SRBD1: variants seen among roughly 807,000 people sequenced by gnomAD.
SRBD1 encodes S1 RNA-binding domain-containing protein 1.
A neutral mutation model predicts 115.3 loss-of-function variants in SRBD1; 88 were observed. That is an observed-to-expected ratio of 0.76 (90% CI 0.64 to 0.91). The LOEUF is 0.91. Ranked by LOEUF, SRBD1 falls within the 40% of genes least tolerant of loss-of-function variation. The probability of loss-of-function intolerance (pLI) is 0.00; values close to 1 mark genes in which losing one functional copy is unlikely to be tolerated. For missense variants in SRBD1, 1,385 were observed against 1,177.4 expected (o/e 1.18, Z -2.58); for synonymous variants, 509 against 407.7 (o/e 1.25, Z -2.99).
At chr2:45,506,581 CA>C (rs1047538685) in intron 14 of SRBD1, among the ~76,000 whole-genome samples, 1 of 152,108 alleles carries the variant, frequency 6.6e-6, no homozygotes, top group Non-Finnish European at 1.5e-5. Flanking sequence ...TAAATCAGCC[CA>C]GGGGAGCCTA....
chr2:45,576,286 C>T (rs1489984950), intron 7 of SRBD1, among the ~76,000 whole-genome samples: 2 of 152,100 alleles, frequency 1.3e-5, no homozygotes, highest in Non-Finnish European at 2.9e-5. Flanking sequence ...TGTAAGAATA[C>T]AGTATATAAC....
At chr2:45,548,107 G>A (rs890657956) in intron 12 of SRBD1, among the ~76,000 whole-genome samples, 4 of 150,924 alleles carry the variant, frequency 2.7e-5, no homozygotes, top group African/African-American at 9.7e-5. Flanking sequence ...AAATTATTTT[G>A]ATTAAAAGTA....
intron 3 of SRBD1, 90 bp downstream of exon 3, chr2:45,601,813 C>T (rs1674100494): frequency 2.0e-6 from 3 of 1,500,216 alleles, no homozygotes; most frequent in Non-Finnish European, 2.7e-6. Flanking sequence ...TTGTCATTTA[C>T]ATGCCTTGTC....
intron 19 of SRBD1, among the ~76,000 whole-genome samples, chr2:45,397,947 A>G (rs1014364178): frequency 3.9e-5 from 6 of 152,218 alleles, no homozygotes; most frequent in Non-Finnish European, 2.9e-5. Flanking sequence ...GAAATAGGCC[A>G]GAATCCTTAA....
At chr2:45,469,202 T>G (rs1445231433) in intron 16 of SRBD1, among the ~76,000 whole-genome samples, 1 of 152,186 alleles carries the variant, frequency 6.6e-6, no homozygotes, top group Non-Finnish European at 1.5e-5. Flanking sequence ...TAGATTCTAA[T>G]GCAGTAGAAT....
intron 14 of SRBD1, among the ~76,000 whole-genome samples, chr2:45,539,921 G>C (rs781112481): frequency 7.9e-5 from 12 of 152,098 alleles, no homozygotes; most frequent in Non-Finnish European, 1.6e-4. Context: ...TACACAGATT[G>C]TAAAATGCAA....
chr2:45,559,976 G>A (rs904872259), intron 10 of SRBD1, among the ~76,000 whole-genome samples: 1 of 152,090 alleles, frequency 6.6e-6, no homozygotes, highest in Non-Finnish European at 1.5e-5. Flanking sequence ...AGCTACTCAG[G>A]AGGCTCAGGT....
chr2:45,489,262 G>T (rs1181817469), intron 14 of SRBD1, among the ~76,000 whole-genome samples: 2 of 152,094 alleles, frequency 1.3e-5, no homozygotes, highest in Non-Finnish European at 2.9e-5. Context: ...ACATGTTAGG[G>T]CTCACTTTTT....
rs759764385 is a variant in SRBD1, at chr2:45,599,590, C to T, written c.507G>A (p.Glu169=). ...GACCAAATGTAAAGTCATCGTCATT[C>T]TCTTCCTTCTTGCATGTACCTCCCC... The part of the protein sequence containing the change: ...TVWGGTCKKE[E]NDDDFTFGQS... The change falls in exon 4 of 21, where the codon GAG becomes GAA. Residue 169 remains glutamate (E), a synonymous_variant. Coordinates refer to ENST00000263736, the MANE Select transcript of SRBD1 (RefSeq NM_018079.5). 6.2e-7 allele frequency: 1 copy of T among 1,614,196 alleles called. No homozygotes were observed. The highest frequency in any genetic ancestry group is 1.3e-5 in the African/African-American group (1 of 75,034).
chr2:45,449,986 T>C (rs3770262), intron 16 of SRBD1, among the ~76,000 whole-genome samples: 16,487 of 152,158 alleles, frequency 0.11, 937 homozygotes, highest in South Asian at 0.16. Context: ...AGGTATCACA[T>C]ACAGCTGTTC....
chr2:45,567,999 A>C (rs1179269526), intron 9 of SRBD1: 2 of 152,254 alleles, frequency 1.3e-5, no homozygotes, highest in African/African-American at 4.8e-5. Flanking sequence ...GAAATAATAA[A>C]GCTTGGGACA....
At chr2:45,513,666 G>A (rs551703189) in intron 14 of SRBD1, among the ~76,000 whole-genome samples, 1 of 152,044 alleles carries the variant, frequency 6.6e-6, no homozygotes, top group Non-Finnish European at 1.5e-5. Flanking sequence ...AGTTAGAGCA[G>A]ATCTTTGAGG....
At chr2:45,540,996 G>A (rs918222265) in intron 14 of SRBD1, among the ~76,000 whole-genome samples, 1 of 152,164 alleles carries the variant, frequency 6.6e-6, no homozygotes, top group Non-Finnish European at 1.5e-5. Context: ...TTTTGCTCAG[G>A]CCCCCTGGGC....
chr2:45,481,718 C>G (rs1030135151), intron 15 of SRBD1, among the ~76,000 whole-genome samples: 1 of 151,518 alleles, frequency 6.6e-6, no homozygotes, highest in Admixed American at 6.6e-5. Flanking sequence ...AAAAAAAAAT[C>G]TATCAACTGA....
intron 16 of SRBD1, among the ~76,000 whole-genome samples, chr2:45,443,475 G>A (rs530444225): frequency 3.4e-4 from 51 of 152,116 alleles, no homozygotes; most frequent in African/African-American, 1.2e-3. Flanking sequence ...ATTAGTGGAG[G>A]GACGTCAACA....
At chr2:45,405,258 T>A (rs551173612) in intron 19 of SRBD1, among the ~76,000 whole-genome samples, 1 of 152,320 alleles carries the variant, frequency 6.6e-6, no homozygotes, top group African/African-American at 2.4e-5. Context: ...TGAAAGATTC[T>A]GTCAGTTCTA....
intron 9 of SRBD1, 131 bp downstream of exon 9, chr2:45,573,076 A>G: frequency 9.6e-7 from 1 of 1,043,612 alleles, no homozygotes; most frequent in Non-Finnish European, 1.3e-6. Context: ...TGACAATATT[A>G]TAAGAATTTA....
At chr2:45,428,499 C>T (rs1487119507) in intron 16 of SRBD1, among the ~76,000 whole-genome samples, 1 of 151,836 alleles carries the variant, frequency 6.6e-6, no homozygotes, top group Non-Finnish European at 1.5e-5. Context: ...TGCAGTGAGC[C>T]GAGACTGCGC....
At chr2:45,529,303 T>C (rs1163917588) in intron 14 of SRBD1, among the ~76,000 whole-genome samples, 3 of 151,896 alleles carry the variant, frequency 2.0e-5, no homozygotes, top group Non-Finnish European at 4.4e-5. Flanking sequence ...TAAGAAAATG[T>C]AGTCAGAAGG....
Sources: allele counts gnomAD v4.1 joint callset (sites outside exome capture counted in the v4.1 genomes callset), GRCh38; gene constraint gnomAD v4.1.1; transcripts MANE v1.5; gene names NCBI Gene and HGNC (gene_info 2026-07-23, HGNC 2026-07-21).